HIVEP3: variants seen among roughly 807,000 people sequenced by gnomAD.
HIVEP3 encodes transcription factor HIVEP3.
Under a neutral mutation model 152.8 loss-of-function variants are expected in HIVEP3, and 49 were observed. The observed-to-expected ratio is 0.32, with a 90% CI of 0.26 to 0.41. HIVEP3 has a LOEUF of 0.41. HIVEP3 is among the 10% of genes least tolerant of loss of function. HIVEP3 has a pLI of 1.00. For synonymous variants in HIVEP3, 1,269 were observed against 1,289.0 expected, an observed-to-expected ratio of 0.98 and a Z score of 0.33; for missense variants, 2,790 against 3,103.3, an observed-to-expected ratio of 0.90 and a Z score of 2.40.
intron 1 of HIVEP3, among the ~76,000 whole-genome samples, chr1:41,965,722 G>A (rs1264232609): frequency 1.3e-5 from 2 of 152,122 alleles, no homozygotes; most frequent in African/African-American, 4.8e-5. Flanking sequence ...AAGAACTATG[G>A]GATCATATAA....
At chr1:41,785,460 A>G (rs1324230835) in intron 1 of HIVEP3, among the ~76,000 whole-genome samples, 1 of 152,238 alleles carries the variant, frequency 6.6e-6, no homozygotes, top group African/African-American at 2.4e-5. Context: ...TTATCATAGT[A>G]TTATTTAACA....
intron 3 of HIVEP3, among the ~76,000 whole-genome samples, chr1:41,616,204 C>T (rs1644965973): frequency 6.6e-6 from 1 of 152,092 alleles, no homozygotes; most frequent in African/African-American, 2.4e-5. Context: ...ATGGCTCATA[C>T]AAACCCATGG....
intron 1 of HIVEP3, among the ~76,000 whole-genome samples, chr1:41,983,821 G>A (rs1026138113): frequency 6.6e-6 from 1 of 152,160 alleles, no homozygotes; most frequent in African/African-American, 2.4e-5. Flanking sequence ...CTGATGATAA[G>A]TAACCTACTG....
At chr1:42,027,672 C>T (rs1331871952) in intron 1 of HIVEP3, among the ~76,000 whole-genome samples, 5 of 152,268 alleles carry the variant, frequency 3.3e-5, no homozygotes, top group African/African-American at 4.8e-5. Context: ...AAGACATACC[C>T]GAAACTGGGA....
At chr1:41,927,666 C>T (rs1644974822) in intron 1 of HIVEP3, among the ~76,000 whole-genome samples, 2 of 152,138 alleles carry the variant, frequency 1.3e-5, no homozygotes, top group Admixed American at 6.5e-5. Context: ...AGAAGATGGA[C>T]CACCAGTTTG....
chr1:41,547,673 A>G (rs1643836960), intron 5 of HIVEP3, among the ~76,000 whole-genome samples: 1 of 152,224 alleles, frequency 6.6e-6, no homozygotes, highest in African/African-American at 2.4e-5. Context: ...GAGTTATAGC[A>G]ATACCAGGCT....
chr1:41,720,755 C>A (rs919858060), intron 1 of HIVEP3, among the ~76,000 whole-genome samples: 5 of 152,212 alleles, frequency 3.3e-5, no homozygotes, highest in Non-Finnish European at 7.3e-5. Context: ...CTCTTATGTT[C>A]ATTACAGCAT....
At chr1:41,959,928 G>C (rs1254304900) in intron 1 of HIVEP3, among the ~76,000 whole-genome samples, 1 of 152,140 alleles carries the variant, frequency 6.6e-6, no homozygotes, top group Non-Finnish European at 1.5e-5. Context: ...GTATGACCAT[G>C]ATCAATATGA....
At chr1:41,796,101 T>C (rs1649967467) in intron 1 of HIVEP3, among the ~76,000 whole-genome samples, 1 of 152,234 alleles carries the variant, frequency 6.6e-6, no homozygotes. Context: ...TACTTCTGTA[T>C]ACTTCTATCT....
intron 1 of HIVEP3, among the ~76,000 whole-genome samples, chr1:41,826,330 C>T (rs1400440103): frequency 6.6e-6 from 1 of 152,232 alleles, no homozygotes; most frequent in Non-Finnish European, 1.5e-5. Flanking sequence ...TCCTAAACAG[C>T]ATGCTTGATT....
intron 1 of HIVEP3, among the ~76,000 whole-genome samples, chr1:41,958,058 T>G (rs1416110760): frequency 6.6e-6 from 1 of 152,356 alleles, no homozygotes; most frequent in South Asian, 2.1e-4. Flanking sequence ...TCTGAGACTT[T>G]GAAAAGTTAT....
rs1644425813 is a variant in HIVEP3 at position 41,582,324 on chromosome 1, A to G, written c.2474T>C (p.Leu825Pro). 6.2e-7 allele frequency: 1 copy of G among 1,614,122 alleles called. No homozygotes were observed. Among genetic ancestry groups the G allele is most frequent in the South Asian group, 1.1e-5 (1 of 91,076 alleles). Residue 825 changes from leucine to proline, a missense_variant, in exon 4 of 9, where the codon CTG becomes CCG. This residue lies in a region of HIVEP3 where 1,078 missense variants were observed against 1,165.3 expected (regional missense o/e 0.93). Coordinates refer to ENST00000372583, the MANE Select transcript of HIVEP3 (RefSeq NM_024503.5). The surrounding 1 kb of genome is among the most constrained non-coding windows in gnomAD (Gnocchi z 4.7). The part of the protein sequence containing the change: ...PSGLEGEDKP[L>P]AQFPSPPPAP... ...AGGTGGGGGTGATGGGAACTGGGCC[A>G]GAGGTTTGTCTTCCCCTTCCAAGCC...
At chr1:41,913,701 T>C (rs958771129) in intron 1 of HIVEP3, among the ~76,000 whole-genome samples, 1 of 152,238 alleles carries the variant, frequency 6.6e-6, no homozygotes, top group Non-Finnish European at 1.5e-5. Flanking sequence ...CCAGCTCCTC[T>C]GATCTTAAGA....
intron 1 of HIVEP3, among the ~76,000 whole-genome samples, chr1:41,895,497 G>A (rs1294992790): frequency 1.3e-5 from 2 of 152,228 alleles, no homozygotes; most frequent in Non-Finnish European, 2.9e-5. Context: ...GGACCAGACT[G>A]TTGGCAACCC....
At chr1:41,645,589 T>C (rs1267321833) in intron 2 of HIVEP3, among the ~76,000 whole-genome samples, 6 of 152,212 alleles carry the variant, frequency 3.9e-5, no homozygotes, top group Admixed American at 6.5e-5. Flanking sequence ...ATCACCACTG[T>C]AATTAAAAAA....
intron 2 of HIVEP3, among the ~76,000 whole-genome samples, chr1:41,641,253 G>A (rs923856130): frequency 2.6e-5 from 4 of 152,266 alleles, no homozygotes; most frequent in Non-Finnish European, 4.4e-5. Flanking sequence ...GACAGGGGCA[G>A]GGAGTAATTC....
At chr1:41,538,506 T>C (rs1643452486) in intron 5 of HIVEP3, among the ~76,000 whole-genome samples, 1 of 152,210 alleles carries the variant, frequency 6.6e-6, no homozygotes, top group African/African-American at 2.4e-5. Flanking sequence ...TATTGTGATT[T>C]TTTTAATACT....
At chr1:41,761,971 T>C (rs988625159) in intron 1 of HIVEP3, among the ~76,000 whole-genome samples, 3 of 152,194 alleles carry the variant, frequency 2.0e-5, no homozygotes, top group Non-Finnish European at 2.9e-5. Flanking sequence ...ATTGAGAACC[T>C]CTCTTTCCAT....
intron 2 of HIVEP3, among the ~76,000 whole-genome samples, chr1:41,631,947 G>A (rs1034372405): frequency 6.6e-6 from 1 of 152,138 alleles, no homozygotes; most frequent in Admixed American, 6.5e-5. Flanking sequence ...TGCATGGGAT[G>A]CTACTCACCT....
Sources: allele counts gnomAD v4.1 joint callset (sites outside exome capture counted in the v4.1 genomes callset), GRCh38; gene constraint gnomAD v4.1.1; regional missense constraint gnomAD v4.1.1; non-coding constraint Gnocchi (gnomAD v3.1); transcripts MANE v1.5; gene names NCBI Gene and HGNC (gene_info 2026-07-23, HGNC 2026-07-21).